The following NPAS3 variants were observed in gnomAD, a reference collection of about 807,000 sequenced individuals.
The protein encoded by NPAS3 is neuronal PAS domain protein 3.
Under a neutral mutation model 73.1 loss-of-function variants are expected in NPAS3, and 14 were observed. The observed-to-expected ratio is 0.19, with a 90% CI of 0.13 to 0.30. NPAS3 has a LOEUF of 0.30. NPAS3 is among the 10% of genes least tolerant of loss of function. The probability of loss-of-function intolerance (pLI) is 1.00; values close to 1 mark genes in which losing one functional copy is unlikely to be tolerated. For missense variants in NPAS3, 1,096 were observed against 1,250.0 expected (o/e 0.88, Z 1.86); for synonymous variants, 620 against 541.5 (o/e 1.14, Z -2.01).
intron 2 of NPAS3, among the ~76,000 whole-genome samples, chr14:33,206,289 G>T (rs956681480): frequency 6.6e-6 from 1 of 152,138 alleles, no homozygotes; most frequent in Non-Finnish European, 1.5e-5. Flanking sequence ...TTGGCCTTAG[G>T]TAAGTTACTT....
At chr14:33,556,091 A>C (rs931656477) in intron 4 of NPAS3, among the ~76,000 whole-genome samples, 2 of 152,212 alleles carry the variant, frequency 1.3e-5, no homozygotes, top group Non-Finnish European at 2.9e-5. Context: ...TGCCAAAAAA[A>C]ACTGGCCAGT....
intron 8 of NPAS3, among the ~76,000 whole-genome samples, chr14:33,776,261 G>A (rs2062811485): frequency 6.6e-6 from 1 of 152,046 alleles, no homozygotes. Flanking sequence ...TCAGAGGATG[G>A]ACTGTGGCTT....
intron 1 of NPAS3, among the ~76,000 whole-genome samples, chr14:32,999,238 G>A (rs550777489): frequency 1.9e-4 from 29 of 152,276 alleles, no homozygotes; most frequent in African/African-American, 6.5e-4. Context: ...CCGGCCGGGT[G>A]CGGTGGCTCA....
At chr14:33,708,766 G>A (rs945098902) in intron 6 of NPAS3, among the ~76,000 whole-genome samples, 3 of 152,254 alleles carry the variant, frequency 2.0e-5, no homozygotes, top group Non-Finnish European at 2.9e-5. Context: ...AAATTCAGTC[G>A]AAGCAGGCAA....
rs180875655 is a variant in NPAS3, at chr14:33,556,159, C to G, written c.469-3962C>G. Among the ~76,000 whole-genome samples the G allele has an allele frequency of 1.8e-4, 28 of 152,222 alleles. No homozygotes were observed. The East Asian group carries it at 5.2e-3, about 28-fold the overall frequency. On this transcript the variant is annotated intron_variant, in intron 4 of 11. Transcript: ENST00000356141. ...GTTTAGCCTCCAGATATTCTTTTAC[C>G]CTGCTATGGTGCCCAAACCTCCTCA...
At chr14:33,173,170 G>A (rs899176446) in intron 2 of NPAS3, among the ~76,000 whole-genome samples, 2 of 152,082 alleles carry the variant, frequency 1.3e-5, no homozygotes, top group African/African-American at 2.4e-5. Flanking sequence ...AAATCATTAG[G>A]TTGCATTTTA....
intron 3 of NPAS3, among the ~76,000 whole-genome samples, chr14:33,229,898 G>A (rs2047784012): frequency 6.6e-6 from 1 of 152,198 alleles, no homozygotes; most frequent in African/African-American, 2.4e-5. Context: ...CGAATTGTAA[G>A]TTGATCATTC....
intron 7 of NPAS3, among the ~76,000 whole-genome samples, chr14:33,749,094 G>T (rs925878208): frequency 1.3e-5 from 2 of 152,156 alleles, no homozygotes; most frequent in South Asian, 4.1e-4. Flanking sequence ...AGAGACTATG[G>T]ATGGACTAAA....
chr14:32,942,019 CAAGT>C (rs1168188795), intron 1 of NPAS3, among the ~76,000 whole-genome samples: 3 of 152,196 alleles, frequency 2.0e-5, no homozygotes, highest in African/African-American at 7.2e-5. Flanking sequence ...ATACTTGCTT[CAAGT>C]AAGTGAGTAA....
At chr14:33,786,609 G>A (rs74044721) in intron 9 of NPAS3, among the ~76,000 whole-genome samples, 9 of 152,198 alleles carry the variant, frequency 5.9e-5, no homozygotes, top group East Asian at 3.8e-4. Flanking sequence ...CGCCCTTTGC[G>A]CTTTCATAGA....
intron 4 of NPAS3, among the ~76,000 whole-genome samples, chr14:33,507,749 T>C (rs8003191): frequency 0.023 from 3,510 of 152,156 alleles, 121 homozygotes; most frequent in African/African-American, 0.079. Context: ...CTTTGTCTAA[T>C]AAATATCAAG....
At chr14:33,496,538 G>A (rs535134666) in intron 4 of NPAS3, among the ~76,000 whole-genome samples, 60 of 152,094 alleles carry the variant, frequency 3.9e-4, no homozygotes, top group Non-Finnish European at 7.9e-4. Context: ...ATGCAAGGCT[G>A]GTTCAACATA....
chr14:33,509,985 A>G (rs147298312), intron 4 of NPAS3, among the ~76,000 whole-genome samples: 173 of 152,024 alleles, frequency 1.1e-3, no homozygotes, highest in African/African-American at 3.7e-3. Flanking sequence ...TTATATCCTG[A>G]ACCTATGTGC....
intron 4 of NPAS3, among the ~76,000 whole-genome samples, chr14:33,469,592 A>G (rs760235933): frequency 6.6e-6 from 1 of 152,162 alleles, no homozygotes; most frequent in African/African-American, 2.4e-5. Flanking sequence ...AATGGGAACT[A>G]GTTATTCTAG....
At chr14:33,608,675 G>A (rs1012794670) in intron 5 of NPAS3, 2 of 152,046 alleles carry the variant, frequency 1.3e-5, no homozygotes, top group Non-Finnish European at 2.9e-5. Context: ...AGGGCTACAC[G>A]TGCAGGTTTA....
intron 1 of NPAS3, among the ~76,000 whole-genome samples, chr14:33,033,247 G>A (rs1004361047): frequency 2.6e-5 from 4 of 152,130 alleles, no homozygotes; most frequent in African/African-American, 9.7e-5. Flanking sequence ...GGAAGGCCGA[G>A]GCAGGTGGAT....
intron 2 of NPAS3, among the ~76,000 whole-genome samples, chr14:33,148,991 T>A (rs1237809947): frequency 6.6e-6 from 1 of 152,174 alleles, no homozygotes; most frequent in Non-Finnish European, 1.5e-5. Context: ...CCACCGGGCC[T>A]GGCCTGGCCT....
chr14:33,024,449 C>T (rs1191521518), intron 1 of NPAS3, among the ~76,000 whole-genome samples: 3 of 152,092 alleles, frequency 2.0e-5, no homozygotes, highest in African/African-American at 4.8e-5. Context: ...GGATTACAGG[C>T]GTGAGCCACC....
At chr14:33,157,657 T>G (rs1285133160) in intron 2 of NPAS3, among the ~76,000 whole-genome samples, 1 of 152,208 alleles carries the variant, frequency 6.6e-6, no homozygotes, top group Non-Finnish European at 1.5e-5. Context: ...ATTCAGGAAA[T>G]AAGACTATAT....
Sources: gnomAD v4.1 joint callset for allele counts (sites outside exome capture counted in the v4.1 genomes callset) on GRCh38, gnomAD v4.1.1 for gene constraint, MANE v1.5 for transcripts, NCBI Gene and HGNC (gene_info 2026-07-23, HGNC 2026-07-21) for gene names.